The following C8orf34 variants were observed in gnomAD, a reference collection of about 807,000 sequenced individuals.
C8orf34 encodes uncharacterized protein C8orf34.
C8orf34 carries 65 observed loss-of-function variants against 68.3 expected under a neutral mutation model. The ratio of observed to expected loss-of-function variants is 0.95; its 90% CI spans 0.78 to 1.17. C8orf34 has a LOEUF of 1.17. Ranked by LOEUF, C8orf34 falls within the 50% of genes most tolerant of loss-of-function variation. C8orf34 has a pLI of 0.00. For synonymous variants in C8orf34, 244 were observed against 241.2 expected (o/e 1.01, Z -0.11); for missense variants, 664 against 655.4 (o/e 1.01, Z -0.14).
intron 7 of C8orf34, among the ~76,000 whole-genome samples, chr8:68,536,269 T>C (rs1359941727): frequency 2.1e-5 from 3 of 143,700 alleles, no homozygotes; most frequent in African/African-American, 7.9e-5. Flanking sequence ...TAGTCCCAGC[T>C]ACTGGACTGA....
At chr8:68,610,861 G>T (rs868581660) in intron 7 of C8orf34, among the ~76,000 whole-genome samples, 142 of 120,426 alleles carry the variant, frequency 1.2e-3, no homozygotes, top group East Asian at 5.0e-3. Flanking sequence ...TGAATCTTTG[G>T]TTTTTTTTTT....
intron 1 of C8orf34, among the ~76,000 whole-genome samples, chr8:68,357,531 A>T (rs1262157657): frequency 6.6e-6 from 1 of 152,194 alleles, no homozygotes; most frequent in Non-Finnish European, 1.5e-5. Context: ...TTAAAAAATA[A>T]TATTCAGGGA....
chr8:68,778,850 T>A (rs1823592992), intron 11 of C8orf34, among the ~76,000 whole-genome samples: 1 of 152,156 alleles, frequency 6.6e-6, no homozygotes, highest in African/African-American at 2.4e-5. Context: ...TGGATTATCA[T>A]AATTTTTGTA....
At chr8:68,675,542 AT>A (rs1585712031) in intron 8 of C8orf34, among the ~76,000 whole-genome samples, 1 of 151,772 alleles carries the variant, frequency 6.6e-6, no homozygotes. Flanking sequence ...CTAAGTTAGA[AT>A]TTGCAAGCCT....
At chr8:68,703,411 G>T (rs1344010292) in intron 8 of C8orf34, among the ~76,000 whole-genome samples, 1 of 151,936 alleles carries the variant, frequency 6.6e-6, no homozygotes, top group Non-Finnish European at 1.5e-5. Context: ...AGCCCCACTT[G>T]TATCCCACTT....
chr8:68,774,328 T>TATATATATATATATATATATATA (rs1415039037), intron 10 of C8orf34, among the ~76,000 whole-genome samples: 1 of 125,280 alleles, frequency 8.0e-6, no homozygotes, highest in African/African-American at 4.4e-5. Flanking sequence ...TATGGGTGTG[T>TATATATATATATATATATATATA]GTGTATATAT....
chr8:68,587,867 G>C (rs1358717071), intron 7 of C8orf34, among the ~76,000 whole-genome samples: 2 of 152,090 alleles, frequency 1.3e-5, no homozygotes, highest in Admixed American at 1.3e-4. Flanking sequence ...ATGAGACAGA[G>C]AGAGAGAATG....
chr8:68,516,716 T>C (rs1814534769), intron 5 of C8orf34, among the ~76,000 whole-genome samples: 1 of 151,982 alleles, frequency 6.6e-6, no homozygotes, highest in Admixed American at 6.6e-5. Context: ...TCTTGGCTCA[T>C]TGCAACCTCC....
chr8:68,472,486 G>A (rs940172971), intron 4 of C8orf34, among the ~76,000 whole-genome samples: 2 of 152,066 alleles, frequency 1.3e-5, no homozygotes, highest in African/African-American at 4.8e-5. Context: ...CTATTTGAGG[G>A]TGTGAAAACC....
chr8:68,534,954 G>C (rs922604320), intron 7 of C8orf34: 1 of 985,278 alleles, frequency 1.0e-6, no homozygotes, highest in African/African-American at 1.7e-5. Flanking sequence ...GTCTGAGCAA[G>C]TTTAATAATA....
At chr8:68,606,337 G>A (rs1415407562) in intron 7 of C8orf34, among the ~76,000 whole-genome samples, 1 of 152,090 alleles carries the variant, frequency 6.6e-6, no homozygotes, top group Non-Finnish European at 1.5e-5. Flanking sequence ...CTGGAATAAT[G>A]TATCCAACAA....
chr8:68,344,086 TGAA>T (rs1052448475), intron 1 of C8orf34, among the ~76,000 whole-genome samples: 24 of 152,110 alleles, frequency 1.6e-4, no homozygotes, highest in African/African-American at 5.3e-4. Context: ...CCCAGAGAAA[TGAA>T]GATTTATGTT....
At chr8:68,433,860 G>C (rs1461807508) in intron 1 of C8orf34, among the ~76,000 whole-genome samples, 5 of 152,004 alleles carry the variant, frequency 3.3e-5, no homozygotes, top group African/African-American at 9.7e-5. Context: ...CTTACTTATG[G>C]CTTTGCTTTT....
chr8:68,553,341 A>T (rs7463763), intron 7 of C8orf34, among the ~76,000 whole-genome samples: 5 of 145,688 alleles, frequency 3.4e-5, no homozygotes, highest in Admixed American at 7.0e-5. Flanking sequence ...GCTGAGATGG[A>T]GCCACTGCAC....
chr8:68,684,724 C>G (rs1820461669), intron 8 of C8orf34, among the ~76,000 whole-genome samples: 1 of 151,772 alleles, frequency 6.6e-6, no homozygotes, highest in African/African-American at 2.4e-5. Context: ...CTTTAAGACA[C>G]TCATCTAATT....
intron 1 of C8orf34, among the ~76,000 whole-genome samples, chr8:68,405,826 G>C (rs1809167591): frequency 6.6e-6 from 1 of 152,100 alleles, no homozygotes; most frequent in South Asian, 2.1e-4. Context: ...AAAAGGCTCT[G>C]TACTATTTTC....
At chr8:68,691,127 C>G (rs1461223093) in intron 8 of C8orf34, among the ~76,000 whole-genome samples, 2 of 151,990 alleles carry the variant, frequency 1.3e-5, no homozygotes, top group Non-Finnish European at 2.9e-5. Context: ...TTCTGCTACC[C>G]TTCTCAATGT....
At chr8:68,402,295 CTTCTT>C (rs1286279772) in intron 1 of C8orf34, among the ~76,000 whole-genome samples, 1 of 151,998 alleles carries the variant, frequency 6.6e-6, no homozygotes, top group Non-Finnish European at 1.5e-5. Context: ...AATCATCGCT[CTTCTT>C]TTCTTGGTTA....
chr8:68,507,991 G>C (rs1814099147), intron 5 of C8orf34, among the ~76,000 whole-genome samples: 1 of 152,044 alleles, frequency 6.6e-6, no homozygotes, highest in Non-Finnish European at 1.5e-5. Flanking sequence ...TTACATCCTT[G>C]ATCTCTTCTT....
Sources: allele counts gnomAD v4.1 joint callset (sites outside exome capture counted in the v4.1 genomes callset), GRCh38; gene constraint gnomAD v4.1.1; transcripts MANE v1.5; gene names NCBI Gene and HGNC (gene_info 2026-07-23, HGNC 2026-07-21).